LRMDA: variants seen among roughly 807,000 people sequenced by gnomAD.
LRMDA encodes leucine-rich melanocyte differentiation-associated protein.
In LRMDA, 18 loss-of-function variants were observed where a neutral mutation model predicts 29.8. The ratio of observed to expected loss-of-function variants is 0.60; its 90% CI spans 0.42 to 0.90. The LOEUF is 0.90. LRMDA is among the 40% of genes least tolerant of loss of function. The pLI is 0.00. For synonymous variants in LRMDA, 125 were observed against 109.4 expected (o/e 1.14, Z -0.89); for missense variants, 273 against 273.9 (o/e 1.00, Z 0.02).
At chr10:75,476,366 C>T (rs1055624399) in intron 2 of LRMDA, among the ~76,000 whole-genome samples, 5 of 152,170 alleles carry the variant, frequency 3.3e-5, no homozygotes, top group African/African-American at 9.7e-5. Context: ...GCCCTGCCCT[C>T]CTACCCCAAC....
intron 2 of LRMDA, among the ~76,000 whole-genome samples, chr10:76,007,275 C>A (rs1327456421): frequency 1.3e-5 from 2 of 151,856 alleles, no homozygotes; most frequent in Non-Finnish European, 2.9e-5. Flanking sequence ...TGCCCACCCT[C>A]CCCTCCTTCC....
At chr10:75,644,510 G>A (rs1354194443) in intron 2 of LRMDA, among the ~76,000 whole-genome samples, 3 of 152,158 alleles carry the variant, frequency 2.0e-5, no homozygotes, top group Non-Finnish European at 2.9e-5. Flanking sequence ...ATACAATGGG[G>A]TCTTTGCCAG....
At chr10:76,484,098 A>G (rs1051628886) in intron 6 of LRMDA, among the ~76,000 whole-genome samples, 2 of 149,610 alleles carry the variant, frequency 1.3e-5, no homozygotes, top group Non-Finnish European at 3.0e-5. Context: ...CCTCATCCCC[A>G]TTCCCTTTCC....
At chr10:76,139,347 T>G (rs201047708) in intron 5 of LRMDA, among the ~76,000 whole-genome samples, 75 of 152,294 alleles carry the variant, frequency 4.9e-4, no homozygotes, top group African/African-American at 1.7e-3. Context: ...TAGTTAAAAA[T>G]TTTTTGCATA....
At chr10:76,429,303 T>C (rs368807144) in intron 6 of LRMDA, among the ~76,000 whole-genome samples, 41 of 152,316 alleles carry the variant, frequency 2.7e-4, no homozygotes, top group African/African-American at 9.6e-4. Flanking sequence ...CCATTATAAT[T>C]AGCTCTGTCA....
intron 5 of LRMDA, among the ~76,000 whole-genome samples, chr10:76,106,558 C>A (rs1371185866): frequency 6.6e-6 from 1 of 152,192 alleles, no homozygotes; most frequent in Non-Finnish European, 1.5e-5. Context: ...TTGGAGGAGT[C>A]CGTCACAAGC....
At chr10:75,926,501 T>C (rs1426837915) in intron 2 of LRMDA, among the ~76,000 whole-genome samples, 1 of 152,256 alleles carries the variant, frequency 6.6e-6, no homozygotes, top group Non-Finnish European at 1.5e-5. Context: ...CTGGTTTTCC[T>C]AGAACCTAGC....
intron 5 of LRMDA, among the ~76,000 whole-genome samples, chr10:76,069,583 T>C (rs1313195648): frequency 1.3e-5 from 2 of 152,134 alleles, no homozygotes; most frequent in Non-Finnish European, 2.9e-5. Flanking sequence ...TAATACTCTG[T>C]CTAGGCTCCA....
chr10:76,131,460 A>G (rs1187612275), intron 5 of LRMDA, among the ~76,000 whole-genome samples: 3 of 152,124 alleles, frequency 2.0e-5, no homozygotes, highest in Non-Finnish European at 2.9e-5. Context: ...GGACATTTTT[A>G]TGTTTGAATC....
chr10:76,409,743 A>C (rs1841938361), intron 6 of LRMDA, among the ~76,000 whole-genome samples: 1 of 152,202 alleles, frequency 6.6e-6, no homozygotes, highest in African/African-American at 2.4e-5. Flanking sequence ...GGTCAACTTT[A>C]GCATTTCCCA....
chr10:75,968,780 A>T (rs1215308394), intron 2 of LRMDA, among the ~76,000 whole-genome samples: 1 of 152,168 alleles, frequency 6.6e-6, no homozygotes, highest in African/African-American at 2.4e-5. Flanking sequence ...TGGAGGGTGA[A>T]TTAGAGCATG....
chr10:75,671,077 G>C (rs1213287275), intron 2 of LRMDA, among the ~76,000 whole-genome samples: 1 of 152,160 alleles, frequency 6.6e-6, no homozygotes, highest in South Asian at 2.1e-4. Flanking sequence ...TGGGGGTGAT[G>C]AGGTTTTATA....
intron 2 of LRMDA, among the ~76,000 whole-genome samples, chr10:75,885,772 C>A (rs561128905): frequency 6.6e-6 from 1 of 152,350 alleles, no homozygotes; most frequent in South Asian, 2.1e-4. Flanking sequence ...ATAAGACATA[C>A]TTAACATAGA....
intron 6 of LRMDA, among the ~76,000 whole-genome samples, chr10:76,404,623 G>C (rs1284002934): frequency 2.0e-5 from 3 of 152,104 alleles, no homozygotes. Flanking sequence ...TCCCAGCCTG[G>C]ATGCTCTTTC....
chr10:75,612,944 T>A (rs1841051067), intron 2 of LRMDA, among the ~76,000 whole-genome samples: 1 of 152,192 alleles, frequency 6.6e-6, no homozygotes, highest in African/African-American at 2.4e-5. Flanking sequence ...CCTTTCAACT[T>A]TGCTATTGCT....
intron 6 of LRMDA, among the ~76,000 whole-genome samples, chr10:76,330,906 T>C (rs1840896649): frequency 6.6e-6 from 1 of 152,210 alleles, no homozygotes; most frequent in Non-Finnish European, 1.5e-5. Context: ...TAGATGCATT[T>C]ATTTAGGCCA....
intron 2 of LRMDA, among the ~76,000 whole-genome samples, chr10:75,867,072 T>C (rs1412289819): frequency 6.6e-6 from 1 of 152,184 alleles, no homozygotes; most frequent in African/African-American, 2.4e-5. Context: ...TCCACCAAGG[T>C]TACTGCCGTC....
chr10:75,758,964 T>TC (rs1369499746), intron 2 of LRMDA, among the ~76,000 whole-genome samples: 1 of 151,648 alleles, frequency 6.6e-6, no homozygotes, highest in Non-Finnish European at 1.5e-5. Context: ...TTTTTTTTTT[T>TC]CGTCAAGAAG....
chr10:75,719,367 G>A (rs1842539391), intron 2 of LRMDA, among the ~76,000 whole-genome samples: 1 of 152,212 alleles, frequency 6.6e-6, no homozygotes, highest in Non-Finnish European at 1.5e-5. Context: ...GGTTTTGTGT[G>A]ACAAGGTAAC....
Sources: allele counts gnomAD v4.1 joint callset (sites outside exome capture counted in the v4.1 genomes callset), GRCh38; gene constraint gnomAD v4.1.1; transcripts MANE v1.5; gene names NCBI Gene and HGNC (gene_info 2026-07-23, HGNC 2026-07-21).